The following PDE1A variants were observed in gnomAD, a reference collection of about 807,000 sequenced individuals.
PDE1A encodes phosphodiesterase 1A.
PDE1A carries 35 observed loss-of-function variants against 61.7 expected under a neutral mutation model. That is an observed-to-expected ratio of 0.57 (90% CI 0.43 to 0.75). PDE1A has a LOEUF of 0.75. Ranked by LOEUF, PDE1A falls within the 30% of genes least tolerant of loss-of-function variation. The pLI, the probability that PDE1A is intolerant of heterozygous loss-of-function variation, is 0.00. For synonymous variants in PDE1A, 232 were observed against 213.2 expected (o/e 1.09, Z -0.77); for missense variants, 597 against 630.6 (o/e 0.95, Z 0.57).
the PDE1A span, among the ~76,000 whole-genome samples, chr2:182,689,392 C>A: frequency 6.6e-6 from 1 of 152,152 alleles, no homozygotes; most frequent in Non-Finnish European, 1.5e-5. Context: ...AACCGCTCAA[C>A]TACATGGAAA....
At chr2:182,302,722 C>A (rs542746558) in intron 1 of PDE1A, among the ~76,000 whole-genome samples, 101 of 152,292 alleles carry the variant, frequency 6.6e-4, no homozygotes, top group African/African-American at 2.3e-3. Flanking sequence ...TGTTTGATAG[C>A]ATTTGACCCA....
chr2:182,318,311 T>A (rs545418593), intron 1 of PDE1A, among the ~76,000 whole-genome samples: 1 of 152,234 alleles, frequency 6.6e-6, no homozygotes, highest in African/African-American at 2.4e-5. Context: ...AATGATGCAT[T>A]TTCAACCTAC....
chr2:182,189,185 T>C, intron 10 of PDE1A, 125 bp from the exon 11 acceptor site: 3 of 562,656 alleles, frequency 5.3e-6, no homozygotes, highest in Non-Finnish European at 9.3e-6. Flanking sequence ...TTTTTTCTTA[T>C]TTATAAAACC....
At chr2:182,589,044 AAATAATAATAATAATAATAATAAT>A in the PDE1A span, among the ~76,000 whole-genome samples, 13 of 138,212 alleles carry the variant, frequency 9.4e-5, no homozygotes, top group Non-Finnish European at 1.1e-4. Flanking sequence ...CTCTGTCTCA[AAATAATAATAATAATAATAATAAT>A]AATAATAATA....
chr2:182,604,218 G>A, the PDE1A span, among the ~76,000 whole-genome samples: 1 of 152,058 alleles, frequency 6.6e-6, no homozygotes. Context: ...TTAATTTGTA[G>A]TGTCTGTGCA....
At chr2:182,417,284 C>T (rs1194048188) in intron 1 of PDE1A, among the ~76,000 whole-genome samples, 1 of 152,210 alleles carries the variant, frequency 6.6e-6, no homozygotes, top group African/African-American at 2.4e-5. Flanking sequence ...TCAGTGTTCA[C>T]CTGCAAGTGT....
intron 2 of PDE1A, among the ~76,000 whole-genome samples, chr2:182,250,627 C>T (rs539551598): frequency 6.6e-5 from 10 of 152,138 alleles, no homozygotes; most frequent in African/African-American, 2.2e-4. Flanking sequence ...CTCTCCTCGA[C>T]CCAACTTTTT....
chr2:182,559,930 T>A, the PDE1A span, among the ~76,000 whole-genome samples: 1 of 151,944 alleles, frequency 6.6e-6, no homozygotes, highest in Admixed American at 6.6e-5. Flanking sequence ...CCCATATTTG[T>A]AAGAGACAGG....
At chr2:182,314,132 CA>C (rs1430465947) in intron 1 of PDE1A, among the ~76,000 whole-genome samples, 1 of 152,162 alleles carries the variant, frequency 6.6e-6, no homozygotes, top group Non-Finnish European at 1.5e-5. Context: ...AAAGCAAACC[CA>C]AATTTTCATC....
At chr2:182,637,737 G>T in the PDE1A span, among the ~76,000 whole-genome samples, 1 of 151,998 alleles carries the variant, frequency 6.6e-6, no homozygotes, top group East Asian at 1.9e-4. Flanking sequence ...GGCTCCCAAC[G>T]TGATGAAACC....
chr2:182,520,254 C>T (rs749094199), intron 2 of PDE1A, among the ~76,000 whole-genome samples: 3 of 151,856 alleles, frequency 2.0e-5, no homozygotes, highest in African/African-American at 4.8e-5. Flanking sequence ...TAGAGTTTCT[C>T]GCTTTGACAA....
chr2:182,667,258 C>A, the PDE1A span, among the ~76,000 whole-genome samples: 1 of 152,184 alleles, frequency 6.6e-6, no homozygotes, highest in Non-Finnish European at 1.5e-5. Context: ...AAAATTCCTG[C>A]AGGTCTAAAT....
chr2:182,669,964 A>C, the PDE1A span, among the ~76,000 whole-genome samples: 2,490 of 152,312 alleles, frequency 0.016, 34 homozygotes, highest in East Asian at 0.08. Context: ...TTTGGAGCAC[A>C]TGAAGGTTGC....
the PDE1A span, among the ~76,000 whole-genome samples, chr2:182,644,489 C>T: frequency 2.6e-5 from 4 of 151,928 alleles, no homozygotes; most frequent in Admixed American, 2.0e-4. Flanking sequence ...AAAAATTCTA[C>T]ATTAGAAGGT....
At chr2:182,466,979 T>C (rs1686712295) in intron 2 of PDE1A, among the ~76,000 whole-genome samples, 1 of 152,056 alleles carries the variant, frequency 6.6e-6, no homozygotes, top group Non-Finnish European at 1.5e-5. Context: ...TCTTAAGATT[T>C]GTCTTTTGAG....
intron 1 of PDE1A, among the ~76,000 whole-genome samples, chr2:182,300,352 T>C (rs1020373963): frequency 4.6e-5 from 7 of 152,176 alleles, no homozygotes; most frequent in African/African-American, 1.7e-4. Flanking sequence ...AACTGGCTGA[T>C]GGAGCTAGAG....
Position 182,310,719 on chromosome 2 carries a change from T to C in PDE1A, c.54-46305A>G, listed in dbSNP as rs892379585. On this transcript the variant is annotated intron_variant, in intron 1 of 13. Coordinates refer to ENST00000351439, the Ensembl canonical transcript of PDE1A. Reference sequence around the variant, plus strand: ...AAAGCCAAACTGAACTCCTCACTGCTCCATGGCTGCACATCTCACTTTCAC... The same window carrying C: ...AAAGCCAAACTGAACTCCTCACTGCCCCATGGCTGCACATCTCACTTTCAC... Among the ~76,000 whole-genome samples the C allele has an allele frequency of 2.0e-5, 3 of 152,164 alleles. No homozygotes were observed. In the South Asian group the frequency reaches 6.2e-4, roughly 32 times the overall value.
chr2:182,340,614 G>A (rs774110941), intron 1 of PDE1A, among the ~76,000 whole-genome samples: 9 of 152,052 alleles, frequency 5.9e-5, no homozygotes, highest in Non-Finnish European at 1.2e-4. Context: ...GTTAAGAAAG[G>A]GTTTTCTGTG....
intron 1 of PDE1A, among the ~76,000 whole-genome samples, chr2:182,371,274 T>C (rs1371320203): frequency 6.6e-6 from 1 of 152,248 alleles, no homozygotes. Flanking sequence ...CATTAGTTTC[T>C]ATTTAAGATC....
Sources: allele counts gnomAD v4.1 joint callset (sites outside exome capture counted in the v4.1 genomes callset), GRCh38; gene constraint gnomAD v4.1.1; transcripts MANE v1.5; gene names NCBI Gene and HGNC (gene_info 2026-07-23, HGNC 2026-07-21).